The following TULP4 variants were observed in gnomAD, a reference collection of about 807,000 sequenced individuals.
TULP4 encodes the protein TUB like protein 4, also known as tubby-related protein 4.
TULP4 carries 16 observed loss-of-function variants against 129.0 expected under a neutral mutation model. That is an observed-to-expected ratio of 0.12 (90% CI 0.08 to 0.19). TULP4 has a LOEUF of 0.19. TULP4 is among the 10% of genes least tolerant of loss of function. TULP4 has a pLI of 1.00. For missense variants in TULP4, 1,842 were observed against 2,059.1 expected, an observed-to-expected ratio of 0.89 and a Z score of 2.04; for synonymous variants, 998 against 854.0, an observed-to-expected ratio of 1.17 and a Z score of -2.94.
chr6:158,425,513 CAAAAAAAAAAAA>C, intron 2 of TULP4, among the ~76,000 whole-genome samples: 1 of 61,886 alleles, frequency 1.6e-5, no homozygotes, highest in East Asian at 8.0e-4. Flanking sequence ...AACTCCGTCT[CAAAAAAAAAAAA>C]AAAAAAAAAA....
Position 158,506,839 on chromosome 6 carries a change from G to A in TULP4, c.*145G>A. ...GAAAAGCCCGGCAGGCCCAGGAGAG[G>A]GCGCTGACCTGTGGTCGTCATTTAT... On this transcript the variant is annotated 3_prime_UTR_variant, in exon 14 of 14. Transcript: ENST00000367097. The A allele has an allele frequency of 1.6e-6, 1 of 622,772 alleles. No homozygotes were observed. The highest frequency in any genetic ancestry group is 1.8e-5 in the African/African-American group (1 of 54,394). 38.6% of individuals were successfully genotyped at this position (622,772 alleles called of 1,614,324 possible).
chr6:158,431,894 C>A (rs936139046), intron 3 of TULP4, among the ~76,000 whole-genome samples: 1 of 151,984 alleles, frequency 6.6e-6, no homozygotes, highest in Non-Finnish European at 1.5e-5. Context: ...CAATTGGGTA[C>A]GTGGCCGCAG....
chr6:158,339,999 C>T (rs973406235), intron 1 of TULP4, among the ~76,000 whole-genome samples: 5 of 152,178 alleles, frequency 3.3e-5, no homozygotes, highest in Non-Finnish European at 5.9e-5. Flanking sequence ...TCCCTCTGTT[C>T]GGGGTCCCTG....
intron 5 of TULP4, among the ~76,000 whole-genome samples, chr6:158,456,508 C>G (rs1368496113): frequency 7.6e-6 from 1 of 132,098 alleles, no homozygotes; most frequent in South Asian, 2.6e-4. Flanking sequence ...GATTGGACAC[C>G]TCTGTTCTAA....
chr6:158,395,495 C>T (rs1410532450), intron 1 of TULP4, among the ~76,000 whole-genome samples: 1 of 151,286 alleles, frequency 6.6e-6, no homozygotes, highest in Non-Finnish European at 1.5e-5. Flanking sequence ...GCAGGAGAAT[C>T]GCTTGAACCT....
chr6:158,371,059 G>A (rs1334736836), intron 1 of TULP4, among the ~76,000 whole-genome samples: 2 of 152,112 alleles, frequency 1.3e-5, no homozygotes, highest in Admixed American at 6.5e-5. Context: ...TGATGACCTC[G>A]CCTAAGCTTT....
chr6:158,424,853 A>G (rs1778438013), intron 2 of TULP4, among the ~76,000 whole-genome samples: 1 of 151,968 alleles, frequency 6.6e-6, no homozygotes, highest in Non-Finnish European at 1.5e-5. Context: ...CATTATGGAA[A>G]TGCAAGTTAG....
chr6:158,279,009 G>A (rs145255429), upstream of TULP4, among the ~76,000 whole-genome samples: 803 of 147,260 alleles, frequency 5.5e-3, 8 homozygotes, highest in African/African-American at 0.018. Flanking sequence ...GCGTGATCTC[G>A]GCTCACTGCA....
chr6:158,304,494 C>T (rs1034397663), intron 1 of TULP4, among the ~76,000 whole-genome samples: 2 of 152,040 alleles, frequency 1.3e-5, no homozygotes, highest in African/African-American at 4.8e-5. Flanking sequence ...CCCAGGATTG[C>T]CCTTGGGCCT....
chr6:158,413,234 G>T lies in TULP4; in HGVS notation c.381+41G>T, dbSNP rs1029584277. 2.5e-6 allele frequency: 4 copies of T among 1,579,124 alleles called. No homozygotes were observed. The highest frequency in any genetic ancestry group is 3.4e-4 in the Middle Eastern group (2 of 5,884). On this transcript the variant is annotated intron_variant, in intron 2 of 13. Transcript: ENST00000367097. This position sits in a 1 kb window ranked among gnomAD's most constrained non-coding sequence, Gnocchi z 4.9. ...AGCTCTGCCAGTGAAGGGCTGCGGG[G>T]TAGAGGACTCCCAGACAGGCATTCC...
At chr6:158,424,046 T>C in intron 2 of TULP4, among the ~76,000 whole-genome samples, 1 of 152,290 alleles carries the variant, frequency 6.6e-6, no homozygotes, top group East Asian at 1.9e-4. Context: ...ATCTAGAATT[T>C]ATAGAGAAAT....
At chr6:158,254,006 T>A (rs1273954041) in intron 1 of TULP4, among the ~76,000 whole-genome samples, 2 of 151,232 alleles carry the variant, frequency 1.3e-5, no homozygotes, top group African/African-American at 2.4e-5. Flanking sequence ...CCCACTGTAC[T>A]CCAGCCTGGG....
chr6:158,262,435 A>G (rs919577156), intron 1 of TULP4, among the ~76,000 whole-genome samples: 4 of 151,912 alleles, frequency 2.6e-5, no homozygotes, highest in Admixed American at 2.6e-4. Flanking sequence ...TCAGAGGCAC[A>G]TTCTCAGGGG....
intron 7 of TULP4, 37 bp downstream of exon 7, chr6:158,480,012 A>C: frequency 1.3e-6 from 2 of 1,493,352 alleles, no homozygotes; most frequent in Non-Finnish European, 1.8e-6. Context: ...CTCCTCCCTC[A>C]CCTGTGCTGG....
chr6:158,385,454 T>C (rs569825808), intron 1 of TULP4, among the ~76,000 whole-genome samples: 68 of 152,290 alleles, frequency 4.5e-4, no homozygotes, highest in African/African-American at 1.6e-3. Flanking sequence ...CAGCAGACTC[T>C]GGCTGCACAT....
chr6:158,453,217 C>G (rs374280804), intron 5 of TULP4, among the ~76,000 whole-genome samples: 1 of 152,082 alleles, frequency 6.6e-6, no homozygotes, highest in Non-Finnish European at 1.5e-5. Flanking sequence ...CCTGTAATCC[C>G]GGCACTTTGG....
At position 158,363,785 on chromosome 6, in the gene TULP4, G is replaced by C. The variant is rs528752156; in HGVS notation, c.253-49280G>C. ...CAGGCGTGAGCCACCGCGCAAGGCC[G>C]CGTGTTTTTTTTTTCTTTTAATTAA... On this transcript the variant is annotated intron_variant, in intron 1 of 13. Transcript: ENST00000367097. Among the ~76,000 whole-genome samples the C allele has an allele frequency of 5.9e-5, 9 of 151,754 alleles. No homozygotes were observed. In the South Asian group the frequency reaches 1.7e-3, roughly 28 times the overall value.
chr6:158,500,193 T>C (rs1780413480), intron 12 of TULP4, among the ~76,000 whole-genome samples: 2 of 152,208 alleles, frequency 1.3e-5, no homozygotes, highest in Non-Finnish European at 2.9e-5. Flanking sequence ...AGGGAACATA[T>C]TGTCTCAGGG....
intron 2 of TULP4, among the ~76,000 whole-genome samples, chr6:158,417,619 C>T (rs1354853589): frequency 6.6e-6 from 1 of 152,060 alleles, no homozygotes; most frequent in East Asian, 1.9e-4. Context: ...ACACTGGTGA[C>T]GATGGATCAC....
Sources: gnomAD v4.1 joint callset for allele counts (sites outside exome capture counted in the v4.1 genomes callset) on GRCh38, gnomAD v4.1.1 for gene constraint, Gnocchi (gnomAD v3.1) non-coding constraint, MANE v1.5 for transcripts, NCBI Gene and HGNC (gene_info 2026-07-23, HGNC 2026-07-21) for gene names.